MACROD2: variants seen among roughly 807,000 people sequenced by gnomAD.
MACROD2 encodes ADP-ribose glycohydrolase MACROD2.
A neutral mutation model predicts 70.4 loss-of-function variants in MACROD2; 36 were observed. That is an observed-to-expected ratio of 0.51 (90% confidence interval 0.39 to 0.68). The LOEUF is 0.68. Among genes scored for constraint, MACROD2 ranks in the 30% least tolerant of loss-of-function variants. The pLI is 0.00. For missense variants in MACROD2, 496 were observed against 538.4 expected, an observed-to-expected ratio of 0.92 and a Z score of 0.78; for synonymous variants, 172 against 178.8, an observed-to-expected ratio of 0.96 and a Z score of 0.30.
At chr20:14,358,989 C>T (rs1340987466) in intron 3 of MACROD2, among the ~76,000 whole-genome samples, 1 of 152,018 alleles carries the variant, frequency 6.6e-6, no homozygotes, top group African/African-American at 2.4e-5. Context: ...GAGTTCAAGA[C>T]CAGCTTGGGC....
chr20:15,904,924 AG>A (rs1365257811), intron 10 of MACROD2, among the ~76,000 whole-genome samples: 1 of 151,534 alleles, frequency 6.6e-6, no homozygotes, highest in African/African-American at 2.4e-5. Flanking sequence ...AAGGGAGGAA[AG>A]AGGTGGGGGA....
intron 3 of MACROD2, among the ~76,000 whole-genome samples, chr20:14,316,979 T>G (rs4813155): frequency 0.89 from 134,875 of 152,144 alleles, 60,007 homozygotes; most frequent in Non-Finnish European, 0.92. Context: ...ACTGCCCGTT[T>G]TCTTTCTTTT....
chr20:15,225,816 A>G (rs1048932852), intron 5 of MACROD2, among the ~76,000 whole-genome samples: 2 of 152,204 alleles, frequency 1.3e-5, no homozygotes, highest in Admixed American at 1.3e-4. Context: ...CTTATTATAT[A>G]CAATGTTTCA....
chr20:15,074,982 A>T lies in MACROD2; in HGVS notation c.419-154958A>T, dbSNP rs77717221. Among the ~76,000 whole-genome samples the T allele has an allele frequency of 1.4e-4, 22 of 152,320 alleles. No individual in the cohort carries two copies. The East Asian group carries it at 3.3e-3, about 23-fold the overall frequency. On this transcript the variant is annotated intron_variant, in intron 5 of 17. Coordinates refer to ENST00000684519, the MANE Select transcript of MACROD2 (RefSeq NM_001351661.2). ...TGAATACATGGAAAGGTAAATGGCA[A>T]TAGAGTATTTAAATAAGTAAGTAGA...
At chr20:15,089,270 C>A (rs1244130824) in intron 5 of MACROD2, among the ~76,000 whole-genome samples, 2 of 152,054 alleles carry the variant, frequency 1.3e-5, no homozygotes, top group African/African-American at 2.4e-5. Context: ...CTCCTATAAA[C>A]CTTAACACTA....
intron 15 of MACROD2, among the ~76,000 whole-genome samples, chr20:16,023,753 TG>T (rs1555809724): frequency 6.6e-6 from 1 of 152,122 alleles, no homozygotes; most frequent in Non-Finnish European, 1.5e-5. Context: ...GTAGGGAAGC[TG>T]GGCTGTTACC....
At chr20:14,954,536 A>G (rs976671247) in intron 5 of MACROD2, among the ~76,000 whole-genome samples, 1 of 139,824 alleles carries the variant, frequency 7.2e-6, no homozygotes, top group South Asian at 2.1e-4. Flanking sequence ...ATAATTATAT[A>G]TAATATAAAT....
At chr20:15,596,149 A>T (rs2048743674) in intron 8 of MACROD2, among the ~76,000 whole-genome samples, 1 of 152,230 alleles carries the variant, frequency 6.6e-6, no homozygotes, top group Admixed American at 6.5e-5. Context: ...ACAAAGAAGA[A>T]CAAGAAAAGG....
intron 4 of MACROD2, among the ~76,000 whole-genome samples, chr20:14,555,611 G>C (rs951779249): frequency 1.3e-5 from 2 of 151,966 alleles, no homozygotes; most frequent in Admixed American, 1.3e-4. Context: ...TCTAAATTAG[G>C]TTCATCCTCC....
At chr20:16,024,524 CACACAG>C (rs1167951069) in intron 15 of MACROD2, among the ~76,000 whole-genome samples, 12 of 142,724 alleles carry the variant, frequency 8.4e-5, no homozygotes, top group East Asian at 6.3e-4. Context: ...GACACACACA[CACACAG>C]ACACACACAC....
chr20:14,912,496 G>C lies in MACROD2; in HGVS notation c.418+227537G>C, dbSNP rs542562315. On this transcript the variant is annotated intron_variant, in intron 5 of 17. Transcript: ENST00000684519. ...TTTGTCAAGTTTCCTGTTGGGGCAT[G>C]CCAGCTAGTCTTCAAGGGAATTTTC... Among the ~76,000 whole-genome samples, 108 of 152,248 alleles carry C rather than the reference G, an allele frequency of 7.1e-4. 1 individual carries two copies. Among genetic ancestry groups the C allele is most frequent in the African/African-American group, 2.6e-3 (106 of 41,554 alleles).
intron 8 of MACROD2, among the ~76,000 whole-genome samples, chr20:15,749,409 T>G (rs2051234233): frequency 6.6e-6 from 1 of 152,106 alleles, no homozygotes; most frequent in Non-Finnish European, 1.5e-5. Flanking sequence ...TTTACTTGTT[T>G]GTTCCAAATA....
At chr20:14,682,509 C>T (rs967815271) in intron 4 of MACROD2, among the ~76,000 whole-genome samples, 5 of 150,968 alleles carry the variant, frequency 3.3e-5, no homozygotes, top group African/African-American at 9.7e-5. Context: ...TATATATGTA[C>T]GTGTGTGTAT....
At chr20:14,136,481 C>T (rs1478577302) in intron 3 of MACROD2, among the ~76,000 whole-genome samples, 1 of 152,064 alleles carries the variant, frequency 6.6e-6, no homozygotes, top group Non-Finnish European at 1.5e-5. Context: ...CACTTTCTTA[C>T]CTATAAAATG....
At chr20:14,560,834 C>G (rs1189804932) in intron 4 of MACROD2, among the ~76,000 whole-genome samples, 1 of 151,780 alleles carries the variant, frequency 6.6e-6, no homozygotes, top group Non-Finnish European at 1.5e-5. Context: ...AGTAAATAAA[C>G]TAATAAAATA....
chr20:15,349,013 G>A (rs1283108840), intron 6 of MACROD2, among the ~76,000 whole-genome samples: 2 of 152,110 alleles, frequency 1.3e-5, no homozygotes, highest in South Asian at 2.1e-4. Flanking sequence ...TAACTGACAT[G>A]CTTTCATTTT....
intron 5 of MACROD2, among the ~76,000 whole-genome samples, chr20:15,196,057 G>A (rs1398828721): frequency 6.6e-6 from 1 of 152,050 alleles, no homozygotes; most frequent in African/African-American, 2.4e-5. Flanking sequence ...ACGGGGGAAC[G>A]ACACACACTG....
chr20:14,043,564 A>G (rs2053424799), intron 2 of MACROD2, among the ~76,000 whole-genome samples: 1 of 152,292 alleles, frequency 6.6e-6, no homozygotes, highest in Non-Finnish European at 1.5e-5. Flanking sequence ...ATGTGATTGG[A>G]CAAAAAGGTT....
At chr20:15,452,020 C>T (rs1330966929) in intron 7 of MACROD2, among the ~76,000 whole-genome samples, 1 of 152,142 alleles carries the variant, frequency 6.6e-6, no homozygotes, top group Non-Finnish European at 1.5e-5. Flanking sequence ...GGGTTGAGGT[C>T]TGCTGCAGGC....
Sources: gnomAD v4.1 joint callset for allele counts (sites outside exome capture counted in the v4.1 genomes callset) on GRCh38, gnomAD v4.1.1 for gene constraint, MANE v1.5 for transcripts, NCBI Gene and HGNC (gene_info 2026-07-23, HGNC 2026-07-21) for gene names.